The following ZSWIM6 variants were observed in gnomAD, a reference collection of about 807,000 sequenced individuals.
The protein encoded by ZSWIM6 is zinc finger SWIM-type containing 6.
A neutral mutation model predicts 113.2 loss-of-function variants in ZSWIM6; 9 were observed. That is an observed-to-expected ratio of 0.08 (90% CI 0.05 to 0.14). ZSWIM6 has a LOEUF of 0.14. Among genes scored for constraint, ZSWIM6 ranks in the 10% least tolerant of loss-of-function variants. The pLI is 1.00. For synonymous variants in ZSWIM6, 611 were observed against 606.5 expected, an observed-to-expected ratio of 1.01 and a Z score of -0.11; for missense variants, 1,162 against 1,552.2, an observed-to-expected ratio of 0.75 and a Z score of 4.22.
chr5:61,354,838 C>T (rs1561204350), intron 1 of ZSWIM6, among the ~76,000 whole-genome samples: 1 of 152,126 alleles, frequency 6.6e-6, no homozygotes, highest in African/African-American at 2.4e-5. Context: ...TATTCAGTGA[C>T]TTATTATATA....
intron 4 of ZSWIM6, among the ~76,000 whole-genome samples, chr5:61,516,455 T>C (rs1159237900): frequency 6.8e-6 from 1 of 146,170 alleles, no homozygotes; most frequent in East Asian, 2.0e-4. Flanking sequence ...TATATATATA[T>C]ATAAAAACTA....
intron 2 of ZSWIM6, among the ~76,000 whole-genome samples, chr5:61,475,704 G>A (rs1747695244): frequency 6.6e-6 from 1 of 152,154 alleles, no homozygotes; most frequent in Non-Finnish European, 1.5e-5. Flanking sequence ...AGAGAGGTAG[G>A]AAGCAAGCCA....
At chr5:61,462,907 C>G (rs1747348901) in intron 1 of ZSWIM6, among the ~76,000 whole-genome samples, 2 of 152,298 alleles carry the variant, frequency 1.3e-5, no homozygotes, top group East Asian at 1.9e-4. Flanking sequence ...TCTTTCCAGT[C>G]CTACCCCACC....
intron 1 of ZSWIM6, 119 bp downstream of exon 1, chr5:61,333,067 G>T: frequency 9.9e-7 from 1 of 1,011,916 alleles, no homozygotes; most frequent in Non-Finnish European, 1.2e-6. Context: ...ACCCCTGCGG[G>T]TGTCCTCACT....
At chr5:61,363,216 G>T (rs894769074) in intron 1 of ZSWIM6, among the ~76,000 whole-genome samples, 1 of 152,210 alleles carries the variant, frequency 6.6e-6, no homozygotes, top group African/African-American at 2.4e-5. Context: ...AATGGAAAAG[G>T]TTTAGTACAG....
At chr5:61,503,888 A>G (rs1748536318) in intron 4 of ZSWIM6, among the ~76,000 whole-genome samples, 1 of 152,140 alleles carries the variant, frequency 6.6e-6, no homozygotes, top group Non-Finnish European at 1.5e-5. Flanking sequence ...TGTCATACCC[A>G]TCCTTTCTTA....
chr5:61,416,470 T>C (rs1234537192), intron 1 of ZSWIM6, among the ~76,000 whole-genome samples: 2 of 152,348 alleles, frequency 1.3e-5, no homozygotes, highest in South Asian at 2.1e-4. Context: ...TTAGAGCTTA[T>C]ACACCTCTGA....
Position 61,544,422 on chromosome 5 carries a change from G to A in ZSWIM6, c.*105G>A, listed in dbSNP as rs892987135. The A allele has an allele frequency of 1.9e-4, 134 of 716,652 alleles. No individual in the cohort carries two copies. Among genetic ancestry groups the A allele is most frequent in the African/African-American group, 6.4e-4 (36 of 55,854 alleles). 44.4% of individuals were successfully genotyped at this position (716,652 alleles called of 1,614,324 possible). A position where few individuals can be genotyped will look rare whatever the true frequency, so the allele number is the denominator to read the frequency against. On this transcript the variant is annotated 3_prime_UTR_variant, in exon 14 of 14. Transcript: ENST00000252744. Reference sequence around the variant, plus strand: ...TTAACTTAAAGAACAGAGCCACACCGGTATTATATGTGTATAGTTATATTG... The same window carrying A: ...TTAACTTAAAGAACAGAGCCACACCAGTATTATATGTGTATAGTTATATTG...
intron 2 of ZSWIM6, among the ~76,000 whole-genome samples, chr5:61,484,454 A>T (rs6887785): frequency 0.014 from 2,142 of 152,332 alleles, 55 homozygotes; most frequent in African/African-American, 0.049. Flanking sequence ...GAAGAGGATA[A>T]GGAGGGATAT....
At position 61,472,738 on chromosome 5, in the gene ZSWIM6, T is replaced by C; in HGVS notation, c.734T>C (p.Val245Ala). Reference protein sequence around the residue: ...EPAIQSEPETVCNVAISFDRC... With the variant: ...EPAIQSEPETACNVAISFDRC... ...GCAATACAATCGGAGCCAGAAACTG[T>C]TTGCAACGTGGCCATCAGCTTTGAT... is the stretch of plus-strand genomic sequence containing the variant. Residue 245 changes from valine to alanine, a missense_variant, in exon 2 of 14, where the codon GTT becomes GCT. Val to Ala is a moderately conservative substitution (Grantham distance 64). Coordinates refer to ENST00000252744, the MANE Select transcript of ZSWIM6 (RefSeq NM_020928.2). This position sits in a 1 kb window ranked among gnomAD's most constrained non-coding sequence, Gnocchi z 4.1. 1.3e-6 allele frequency: 2 copies of C among 1,550,820 alleles called. No individual in the cohort carries two copies. Among genetic ancestry groups the C allele is most frequent in the Non-Finnish European group, 1.7e-6 (2 of 1,146,426 alleles).
rs559631056 is a variant in ZSWIM6, at chr5:61,367,579, A to G, written c.676+34631A>G. Among the ~76,000 whole-genome samples, 7 of 152,272 alleles carry G rather than the reference A, an allele frequency of 4.6e-5. No individual in the cohort carries two copies. In the South Asian group the frequency reaches 1.0e-3, roughly 23 times the overall value. On this transcript the variant is annotated intron_variant, in intron 1 of 13. Transcript: ENST00000252744. ...GTGCCTTTTGTTGTTGAGAAGTGCA[A>G]GAACATTTTCTCTAGCTTTCTCAAG...
At chr5:61,443,225 A>G (rs12522647) in intron 1 of ZSWIM6, among the ~76,000 whole-genome samples, 57,473 of 152,076 alleles carry the variant, frequency 0.38, 11,007 homozygotes, top group South Asian at 0.43. Context: ...TGGATGAGAA[A>G]GACCTTTGGA....
intron 1 of ZSWIM6, among the ~76,000 whole-genome samples, chr5:61,406,217 C>T (rs1052050296): frequency 6.6e-6 from 1 of 152,220 alleles, no homozygotes; most frequent in Admixed American, 6.5e-5. Flanking sequence ...CTGTTCAAAA[C>T]TGTGGTTCTG....
chr5:61,461,102 C>T (rs984758297), intron 1 of ZSWIM6, among the ~76,000 whole-genome samples: 8 of 152,122 alleles, frequency 5.3e-5, no homozygotes, highest in Admixed American at 1.3e-4. Flanking sequence ...TAAAAAATTT[C>T]CCCCCAAATG....
intron 1 of ZSWIM6, among the ~76,000 whole-genome samples, chr5:61,334,676 C>G (rs374021822): frequency 5.3e-5 from 8 of 152,304 alleles, no homozygotes; most frequent in African/African-American, 1.4e-4. Flanking sequence ...GTTGGGCACT[C>G]TTTCCTTCTG....
chr5:61,360,354 C>T (rs1209096641), intron 1 of ZSWIM6, among the ~76,000 whole-genome samples: 2 of 152,184 alleles, frequency 1.3e-5, no homozygotes, highest in African/African-American at 2.4e-5. Flanking sequence ...AGACTTCTAG[C>T]CCCTTGTAAT....
At chr5:61,366,870 A>T (rs1030258703) in intron 1 of ZSWIM6, among the ~76,000 whole-genome samples, 3 of 150,776 alleles carry the variant, frequency 2.0e-5, no homozygotes, top group African/African-American at 7.3e-5. Context: ...TCGAGGCTGC[A>T]TGAGCCATAA....
At chr5:61,514,417 T>A (rs1026332574) in intron 4 of ZSWIM6, among the ~76,000 whole-genome samples, 20 of 152,040 alleles carry the variant, frequency 1.3e-4, no homozygotes, top group African/African-American at 4.8e-4. Context: ...TGATGCTGAA[T>A]AGAAGTGGTA....
intron 1 of ZSWIM6, among the ~76,000 whole-genome samples, chr5:61,374,424 A>G (rs1745325859): frequency 6.6e-6 from 1 of 152,224 alleles, no homozygotes; most frequent in South Asian, 2.1e-4. Context: ...GCCAAATACC[A>G]TTATTGCCTG....
Sources: allele counts gnomAD v4.1 joint callset (sites outside exome capture counted in the v4.1 genomes callset), GRCh38; gene constraint gnomAD v4.1.1; non-coding constraint Gnocchi (gnomAD v3.1); transcripts MANE v1.5; gene names NCBI Gene and HGNC (gene_info 2026-07-23, HGNC 2026-07-21).